The following GTF2IRD1 variants were observed in gnomAD, a reference collection of about 807,000 sequenced individuals.
The protein encoded by GTF2IRD1 is general transcription factor II-I repeat domain-containing protein 1.
A neutral mutation model predicts 113.2 loss-of-function variants in GTF2IRD1; 26 were observed. The observed-to-expected ratio is 0.23, with a 90% CI of 0.17 to 0.32. The LOEUF is 0.32. Among genes scored for constraint, GTF2IRD1 ranks in the 10% least tolerant of loss-of-function variants. GTF2IRD1 has a pLI of 1.00. For missense variants in GTF2IRD1, 864 were observed against 1,280.8 expected (o/e 0.67, Z 4.97); for synonymous variants, 484 against 529.1 (o/e 0.91, Z 1.17).
Position 74,456,855 on chromosome 7 carries a change from G to A in GTF2IRD1, c.-7+2679G>A, listed in dbSNP as rs568138619. Among the ~76,000 whole-genome samples, 17 of 152,074 alleles carry A rather than the reference G, an allele frequency of 1.1e-4. No individual in the cohort carries two copies. In the East Asian group the frequency reaches 3.3e-3, roughly 29 times the overall value. Reference sequence around the variant, plus strand: ...TTAGCCCTGCCTGGCTAGGGTAGGGGGTCAGGATTATAGAATTTGCCTCTT... The same window carrying A: ...TTAGCCCTGCCTGGCTAGGGTAGGGAGTCAGGATTATAGAATTTGCCTCTT... On this transcript the variant is annotated intron_variant, in intron 1 of 26. Transcript: ENST00000424337.
intron 6 of GTF2IRD1, 27 bp from the exon 7 acceptor site, chr7:74,521,181 A>G: frequency 2.1e-6 from 3 of 1,418,220 alleles, no homozygotes; most frequent in Non-Finnish European, 3.0e-6. Context: ...CCCACCTGGA[A>G]CCTTCTTCCT....
At chr7:74,503,904 T>C (rs1796163639) in intron 1 of GTF2IRD1, among the ~76,000 whole-genome samples, 1 of 152,164 alleles carries the variant, frequency 6.6e-6, no homozygotes, top group African/African-American at 2.4e-5. Context: ...AGCCCCTCCT[T>C]TTCCCCTCTC....
At position 74,498,689 on chromosome 7, in the gene GTF2IRD1, G is replaced by C. The variant is rs996168107; in HGVS notation, c.-6-9386G>C. Among the ~76,000 whole-genome samples the C allele has an allele frequency of 2.7e-5, 4 of 150,124 alleles. No homozygotes were observed. In the East Asian group the frequency reaches 7.9e-4, roughly 30 times the overall value. On this transcript the variant is annotated intron_variant, in intron 1 of 26. Transcript: ENST00000424337. ...CCATTGTCAAGCTCTGTGCCTGCGC[G>C]AGCTTCTCTGCTTGTCCTTCTTTCG... is the stretch of plus-strand genomic sequence containing the variant.
chr7:74,594,674 C>T (rs1440727236), intron 24 of GTF2IRD1, among the ~76,000 whole-genome samples: 4 of 152,084 alleles, frequency 2.6e-5, no homozygotes, highest in Non-Finnish European at 4.4e-5. Flanking sequence ...CTGGATTCTC[C>T]GGGCGCGATG....
chr7:74,471,401 CAA>C (rs1794072554), intron 1 of GTF2IRD1, among the ~76,000 whole-genome samples: 1 of 151,732 alleles, frequency 6.6e-6, no homozygotes, highest in Non-Finnish European at 1.5e-5. Context: ...TCCAGCTACT[CAA>C]GAGGCTGAGC....
intron 1 of GTF2IRD1, among the ~76,000 whole-genome samples, chr7:74,468,736 T>C (rs2116980514): frequency 6.8e-6 from 1 of 147,846 alleles, no homozygotes; most frequent in East Asian, 2.0e-4. Context: ...CCTGGCAGAC[T>C]TTAGATATTA....
intron 9 of GTF2IRD1, among the ~76,000 whole-genome samples, chr7:74,531,513 A>G (rs587661288): frequency 3.3e-5 from 5 of 152,176 alleles, no homozygotes; most frequent in African/African-American, 9.6e-5. Flanking sequence ...ACTTTTTTCT[A>G]TTACACACCC....
intron 1 of GTF2IRD1, among the ~76,000 whole-genome samples, chr7:74,465,779 A>AT (rs776103768): frequency 1.1e-4 from 17 of 151,410 alleles, no homozygotes; most frequent in Non-Finnish European, 1.8e-4. Flanking sequence ...CAATTTATTT[A>AT]TTTTTTTTGA....
rs2355322 is a variant in GTF2IRD1 at position 74,490,547 on chromosome 7, C to G, written c.-6-17528C>G. ...GGCTGCTGGGGAGAAAGGATACCCCCCCCCCCGCCCGCCTTCCAGAAGGGG... is the reference window on the plus strand; with the variant it reads ...GGCTGCTGGGGAGAAAGGATACCCCGCCCCCCGCCCGCCTTCCAGAAGGGG... On this transcript the variant is annotated intron_variant, in intron 1 of 26. Coordinates refer to ENST00000424337, the MANE Select transcript of GTF2IRD1 (RefSeq NM_005685.4). Among the ~76,000 whole-genome samples, 225 of 151,400 alleles carry G rather than the reference C, an allele frequency of 1.5e-3. 2 individuals are homozygous for G. Among genetic ancestry groups the G allele is most frequent in the Middle Eastern group, 3.4e-3 (1 of 292 alleles).
intron 22 of GTF2IRD1, among the ~76,000 whole-genome samples, chr7:74,574,646 A>T (rs371656478): frequency 1.3e-5 from 2 of 149,904 alleles, no homozygotes; most frequent in South Asian, 2.1e-4. Flanking sequence ...TTTTTTGTAG[A>T]GACGGGGTTT....
At chr7:74,589,659 C>G (rs1286568989) in intron 22 of GTF2IRD1, among the ~76,000 whole-genome samples, 192 bp from the exon 23 acceptor site, 9 of 151,376 alleles carry the variant, frequency 5.9e-5, no homozygotes, top group African/African-American at 2.2e-4. Context: ...GATCACGCCA[C>G]TGCACTCCAG....
chr7:74,462,261 T>G (rs1554329508), intron 1 of GTF2IRD1, among the ~76,000 whole-genome samples: 1 of 152,112 alleles, frequency 6.6e-6, no homozygotes, highest in African/African-American at 2.4e-5. Context: ...CCCAGCTACT[T>G]GGGAGGCTAA....
intron 1 of GTF2IRD1, among the ~76,000 whole-genome samples, chr7:74,488,157 G>A (rs947563572): frequency 6.6e-6 from 1 of 152,108 alleles, no homozygotes; most frequent in Admixed American, 6.6e-5. Context: ...GGCGACACAC[G>A]CTGTGGTCCC....
intron 22 of GTF2IRD1, among the ~76,000 whole-genome samples, chr7:74,568,058 A>G (rs1800434760): frequency 1.3e-5 from 2 of 151,798 alleles, no homozygotes; most frequent in African/African-American, 4.8e-5. Context: ...AAGTGCTGGG[A>G]TTACATATAT....
intron 22 of GTF2IRD1, among the ~76,000 whole-genome samples, chr7:74,564,978 G>A (rs1214168391): frequency 1.3e-5 from 2 of 152,092 alleles, no homozygotes; most frequent in African/African-American, 4.8e-5. Context: ...GGAGCTGTGG[G>A]CCAGGGGTTT....
chr7:74,467,418 C>A (rs1045093771), intron 1 of GTF2IRD1, among the ~76,000 whole-genome samples: 1 of 152,208 alleles, frequency 6.6e-6, no homozygotes, highest in African/African-American at 2.4e-5. Flanking sequence ...GCGTTTCCCT[C>A]CAGGAAAGGC....
intron 5 of GTF2IRD1, among the ~76,000 whole-genome samples, chr7:74,519,000 A>G (rs1554345268): frequency 6.6e-6 from 1 of 152,184 alleles, no homozygotes; most frequent in Non-Finnish European, 1.5e-5. Context: ...TAGGTTGTTG[A>G]GGCTGGTCTG....
intron 1 of GTF2IRD1, among the ~76,000 whole-genome samples, chr7:74,486,226 G>A (rs782470774): frequency 2.0e-5 from 3 of 152,132 alleles, no homozygotes; most frequent in South Asian, 2.1e-4. Flanking sequence ...CCACACCGCC[G>A]TGGAGTCTAT....
chr7:74,508,332 C>A, intron 2 of GTF2IRD1, 129 bp downstream of exon 2: 1 of 947,496 alleles, frequency 1.1e-6, no homozygotes, highest in Non-Finnish European at 1.6e-6. Flanking sequence ...CTGACTGCAG[C>A]TAGGGCCACG....
Sources: allele counts gnomAD v4.1 joint callset (sites outside exome capture counted in the v4.1 genomes callset), GRCh38; gene constraint gnomAD v4.1.1; transcripts MANE v1.5; gene names NCBI Gene and HGNC (gene_info 2026-07-23, HGNC 2026-07-21).